The following SLIT2 variants were observed in gnomAD, a reference collection of about 807,000 sequenced individuals.
SLIT2 encodes the protein slit homolog 2 protein.
SLIT2 carries 41 observed loss-of-function variants against 185.7 expected under a neutral mutation model. The ratio of observed to expected loss-of-function variants is 0.22; its 90% CI spans 0.17 to 0.29. SLIT2 has a LOEUF of 0.29. Among genes scored for constraint, SLIT2 ranks in the 10% least tolerant of loss-of-function variants. The probability of loss-of-function intolerance (pLI) is 1.00; values close to 1 mark genes in which losing one functional copy is unlikely to be tolerated. For missense variants in SLIT2, 1,571 were observed against 1,909.0 expected (o/e 0.82, Z 3.30); for synonymous variants, 693 against 680.2 (o/e 1.02, Z -0.29).
chr4:20,605,864 A>G (rs567877377), intron 33 of SLIT2, among the ~76,000 whole-genome samples: 34 of 151,928 alleles, frequency 2.2e-4, no homozygotes, highest in Admixed American at 3.9e-4. Context: ...CTCATGCCTC[A>G]GCCTCCCACA....
chr4:20,273,576 C>T (rs1311052076), intron 4 of SLIT2, among the ~76,000 whole-genome samples: 6 of 152,070 alleles, frequency 3.9e-5, no homozygotes, highest in Admixed American at 3.9e-4. Flanking sequence ...TAAAGGATAA[C>T]TTGGTCAATT....
At chr4:20,498,814 A>T (rs1170877102) in intron 9 of SLIT2, among the ~76,000 whole-genome samples, 1 of 152,134 alleles carries the variant, frequency 6.6e-6, no homozygotes, top group African/African-American at 2.4e-5. Flanking sequence ...TATTCAGTCA[A>T]CCATTGATGG....
At chr4:20,374,097 C>G (rs926547556) in intron 4 of SLIT2, among the ~76,000 whole-genome samples, 1 of 152,038 alleles carries the variant, frequency 6.6e-6, no homozygotes, top group African/African-American at 2.4e-5. Flanking sequence ...CATCACTTCC[C>G]TGTGCCTCAT....
At chr4:20,356,899 C>G (rs536974280) in intron 4 of SLIT2, among the ~76,000 whole-genome samples, 1 of 152,234 alleles carries the variant, frequency 6.6e-6, no homozygotes, top group African/African-American at 2.4e-5. Flanking sequence ...CCTTAGTAAA[C>G]TAATGATCTT....
At chr4:20,279,741 G>A (rs1443069042) in intron 4 of SLIT2, among the ~76,000 whole-genome samples, 1 of 152,138 alleles carries the variant, frequency 6.6e-6, no homozygotes, top group East Asian at 1.9e-4. Flanking sequence ...CATATAATAA[G>A]TGGCATGTAC....
chr4:20,289,327 TA>T (rs902174329), intron 4 of SLIT2, among the ~76,000 whole-genome samples: 2 of 152,202 alleles, frequency 1.3e-5, no homozygotes, highest in Admixed American at 6.5e-5. Flanking sequence ...AGATGACTAT[TA>T]AAAAAAATCT....
chr4:20,270,803 G>A (rs1713527302), intron 4 of SLIT2, among the ~76,000 whole-genome samples: 1 of 151,952 alleles, frequency 6.6e-6, no homozygotes, highest in African/African-American at 2.4e-5. Flanking sequence ...GGCACTGGAT[G>A]TACATAGAAA....
intron 11 of SLIT2, among the ~76,000 whole-genome samples, chr4:20,518,083 G>GTA (rs533312464): frequency 0.016 from 2,076 of 132,684 alleles, 65 homozygotes; most frequent in African/African-American, 0.05. Context: ...ATATGTGTGT[G>GTA]TATATATATA....
chr4:20,431,957 TTCTC>T (rs1164929901), intron 4 of SLIT2, among the ~76,000 whole-genome samples: 1 of 151,738 alleles, frequency 6.6e-6, no homozygotes, highest in Non-Finnish European at 1.5e-5. Context: ...CTCTTTCTCT[TTCTC>T]TGTGTGTGTT....
intron 4 of SLIT2, among the ~76,000 whole-genome samples, chr4:20,467,187 A>T (rs1009579840): frequency 6.6e-6 from 1 of 152,170 alleles, no homozygotes; most frequent in Non-Finnish European, 1.5e-5. Context: ...TAAACCTGCT[A>T]TTAATATTTT....
intron 4 of SLIT2, among the ~76,000 whole-genome samples, chr4:20,330,129 G>T (rs1395005513): frequency 6.6e-6 from 1 of 151,580 alleles, no homozygotes; most frequent in Non-Finnish European, 1.5e-5. Context: ...CACAAATTTG[G>T]CAGTGTTGAT....
At chr4:20,605,212 A>G (rs1369991249) in intron 33 of SLIT2, among the ~76,000 whole-genome samples, 3 of 152,218 alleles carry the variant, frequency 2.0e-5, no homozygotes, top group Admixed American at 2.0e-4. Flanking sequence ...ACAGAAATAC[A>G]TTATGTTTAT....
At chr4:20,522,976 AAAATAG>A (rs1401087761) in intron 12 of SLIT2, among the ~76,000 whole-genome samples, 4 of 152,166 alleles carry the variant, frequency 2.6e-5, no homozygotes, top group African/African-American at 9.7e-5. Flanking sequence ...TATATTTTAG[AAAATAG>A]AAATAGATCA....
At chr4:20,509,015 C>CGTGTGTGTGTGCATGT (rs1719457087) in intron 9 of SLIT2, among the ~76,000 whole-genome samples, 2 of 150,744 alleles carry the variant, frequency 1.3e-5, no homozygotes, top group Non-Finnish European at 3.0e-5. Flanking sequence ...AAATGTTACG[C>CGTGTGTGTGTGCATGT]GTGTGTGTGT....
At chr4:20,255,884 A>C in intron 1 of SLIT2, among the ~76,000 whole-genome samples, 1 of 152,196 alleles carries the variant, frequency 6.6e-6, no homozygotes, top group East Asian at 1.9e-4. Context: ...GAGCATTCAA[A>C]CCGCAGCAAA....
At position 20,511,077 on chromosome 4, in the gene SLIT2, A is replaced by G; in HGVS notation, c.998A>G (p.Asn333Ser). The G allele has an allele frequency of 1.9e-6, 3 of 1,601,142 alleles. No individual in the cohort carries two copies. Among genetic ancestry groups the G allele is most frequent in the Non-Finnish European group, 2.6e-6 (3 of 1,168,838 alleles). The stretch of plus-strand genomic sequence containing the variant: ...ATTTCTAATCTTAGTGACCTGAGCA[A>G]TAATCAGATCTCTGAACTTGCACCA... ...YKKLRRIDLSNNQISELAPDA... is the reference protein window; with the variant it reads ...YKKLRRIDLSSNQISELAPDA... The change falls in exon 11 of 37, where the codon AAT (asparagine) becomes AGT (serine). Residue 333 changes from asparagine (N) to serine (S), a missense_variant. Physicochemically the swap from Asn to Ser is conservative, Grantham distance 46. Coordinates refer to ENST00000504154, the MANE Select transcript of SLIT2 (RefSeq NM_004787.4).
At chr4:20,310,276 G>T (rs745993186) in intron 4 of SLIT2, among the ~76,000 whole-genome samples, 8 of 152,174 alleles carry the variant, frequency 5.3e-5, no homozygotes, top group Non-Finnish European at 1.0e-4. Flanking sequence ...TTATATCTCT[G>T]TCTCTTTTTA....
At chr4:20,259,436 A>G (rs762331948) in intron 3 of SLIT2, among the ~76,000 whole-genome samples, 13 of 151,798 alleles carry the variant, frequency 8.6e-5, no homozygotes, top group Non-Finnish European at 1.8e-4. Flanking sequence ...ACAGGAAAGT[A>G]TCTTGAGTTT....
intron 29 of SLIT2, among the ~76,000 whole-genome samples, chr4:20,575,307 C>G (rs947460000): frequency 6.6e-6 from 1 of 152,144 alleles, no homozygotes; most frequent in Non-Finnish European, 1.5e-5. Flanking sequence ...AAATCATTCT[C>G]TATATTTTCA....
Sources: allele counts gnomAD v4.1 joint callset (sites outside exome capture counted in the v4.1 genomes callset), GRCh38; gene constraint gnomAD v4.1.1; transcripts MANE v1.5; gene names NCBI Gene and HGNC (gene_info 2026-07-23, HGNC 2026-07-21).